CNTNAP2: variants seen among roughly 807,000 people sequenced by gnomAD.
CNTNAP2 encodes contactin-associated protein-like 2.
A neutral mutation model predicts 155.2 loss-of-function variants in CNTNAP2; 98 were observed. The observed-to-expected ratio is 0.63, with a 90% CI of 0.54 to 0.75. The LOEUF (loss-of-function observed/expected upper bound fraction) is 0.75. Among genes scored for constraint, CNTNAP2 ranks in the 30% least tolerant of loss-of-function variants. The pLI, the probability that CNTNAP2 is intolerant of heterozygous loss-of-function variation, is 0.00. For missense variants in CNTNAP2, 1,727 were observed against 1,688.1 expected, an observed-to-expected ratio of 1.02 and a Z score of -0.40; for synonymous variants, 651 against 631.2, an observed-to-expected ratio of 1.03 and a Z score of -0.47.
At chr7:147,099,163 A>G (rs766894644) in intron 4 of CNTNAP2, among the ~76,000 whole-genome samples, 31 of 152,254 alleles carry the variant, frequency 2.0e-4, no homozygotes, top group Middle Eastern at 3.4e-3. Context: ...TGGGGCACAG[A>G]GGCTGATCCT....
chr7:146,376,589 T>C (rs576992034), intron 1 of CNTNAP2, among the ~76,000 whole-genome samples: 1 of 152,224 alleles, frequency 6.6e-6, no homozygotes, highest in South Asian at 2.1e-4. Flanking sequence ...TGTATTGTTA[T>C]TGTTTTTTCC....
At chr7:147,066,781 C>T (rs1326749095) in intron 4 of CNTNAP2, among the ~76,000 whole-genome samples, 1 of 152,154 alleles carries the variant, frequency 6.6e-6, no homozygotes, top group African/African-American at 2.4e-5. Context: ...GTTAGACTGT[C>T]TTTTAGTCAG....
chr7:147,501,437 A>G (rs1413733294), intron 11 of CNTNAP2, among the ~76,000 whole-genome samples: 3 of 152,180 alleles, frequency 2.0e-5, no homozygotes, highest in Non-Finnish European at 4.4e-5. Context: ...GGAAGAAGTT[A>G]GATTTTCTCT....
chr7:148,274,683 G>A (rs1235542391), intron 21 of CNTNAP2, among the ~76,000 whole-genome samples: 1 of 152,168 alleles, frequency 6.6e-6, no homozygotes, highest in African/African-American at 2.4e-5. Flanking sequence ...GGCCTCCCCA[G>A]AAGCAGATGC....
chr7:146,246,308 A>G (rs1799653244), intron 1 of CNTNAP2, among the ~76,000 whole-genome samples: 1 of 151,174 alleles, frequency 6.6e-6, no homozygotes, highest in South Asian at 2.1e-4. Flanking sequence ...ATGTAGCTGT[A>G]ATCCAGGAAT....
At chr7:147,305,497 C>T (rs953452567) in intron 9 of CNTNAP2, among the ~76,000 whole-genome samples, 1 of 152,164 alleles carries the variant, frequency 6.6e-6, no homozygotes, top group Non-Finnish European at 1.5e-5. Flanking sequence ...CTTGCAGCAT[C>T]CCATTCAGAA....
At chr7:147,388,912 G>A (rs1395475431) in intron 9 of CNTNAP2, among the ~76,000 whole-genome samples, 1 of 152,056 alleles carries the variant, frequency 6.6e-6, no homozygotes, top group Non-Finnish European at 1.5e-5. Flanking sequence ...TTGACGTTGG[G>A]AATTTGACTC....
At chr7:147,194,793 TAA>T (rs1802750837) in intron 8 of CNTNAP2, among the ~76,000 whole-genome samples, 1 of 152,228 alleles carries the variant, frequency 6.6e-6, no homozygotes, top group Non-Finnish European at 1.5e-5. Flanking sequence ...TAAATTTGTT[TAA>T]GTTATTTGTA....
At chr7:147,963,749 C>T (rs558681218) in intron 14 of CNTNAP2, among the ~76,000 whole-genome samples, 11 of 152,196 alleles carry the variant, frequency 7.2e-5, no homozygotes, top group African/African-American at 2.2e-4. Flanking sequence ...CTGTTTCCTT[C>T]TCGAGCTATA....
intron 12 of CNTNAP2, among the ~76,000 whole-genome samples, chr7:147,601,647 ATATAT>A (rs527756756): frequency 0.055 from 3,817 of 68,984 alleles, 166 homozygotes; most frequent in East Asian, 0.19. Context: ...AAAAAAAAAT[ATATAT>A]ATATATATAT....
intron 23 of CNTNAP2, among the ~76,000 whole-genome samples, chr7:148,410,021 G>A (rs374573727): frequency 2.9e-5 from 1 of 34,288 alleles, no homozygotes; most frequent in African/African-American, 1.7e-4. Context: ...ACTGCAATCC[G>A]GCCTGGGCTA....
rs376401085 is a variant in CNTNAP2 at position 147,224,195 on chromosome 7, A to G, written c.1349-75946A>G. ...TCTAAGAAGAGTTGTTGGTTTTTCAATTTGCTCTGCTTTTTATGTGTTGTT... is the reference window on the plus strand; with the variant it reads ...TCTAAGAAGAGTTGTTGGTTTTTCAGTTTGCTCTGCTTTTTATGTGTTGTT... On this transcript the variant is annotated intron_variant, in intron 8 of 23. Transcript: ENST00000361727. 2.6e-5 allele frequency among the ~76,000 whole-genome samples: 4 copies of G among 152,174 alleles called. No individual in the cohort carries two copies. The East Asian group carries it at 5.8e-4, about 22-fold the overall frequency.
chr7:146,658,821 C>T (rs1056331917), intron 1 of CNTNAP2, among the ~76,000 whole-genome samples: 5 of 152,082 alleles, frequency 3.3e-5, no homozygotes, highest in South Asian at 2.1e-4. Flanking sequence ...GGGTACAAGT[C>T]GAGAAAACGA....
Position 146,701,473 on chromosome 7 carries a change from A to G in CNTNAP2, c.98-72798A>G, listed in dbSNP as rs188676156. On this transcript the variant is annotated intron_variant, in intron 1 of 23. Coordinates refer to ENST00000361727, the MANE Select transcript of CNTNAP2 (RefSeq NM_014141.6). The stretch of plus-strand genomic sequence containing the variant: ...CTTTAAATCATGAACAAAGCAAACT[A>G]TGATGTCTGGTTGTATTTTAAAAAT... Among the ~76,000 whole-genome samples, 263 of 152,288 alleles carry G rather than the reference A, an allele frequency of 1.7e-3. 1 individual carries two copies. The highest frequency in any genetic ancestry group is 6.0e-3 in the African/African-American group (248 of 41,572).
chr7:146,694,400 G>T (rs1301347178), intron 1 of CNTNAP2, among the ~76,000 whole-genome samples: 2 of 152,162 alleles, frequency 1.3e-5, no homozygotes, highest in Non-Finnish European at 1.5e-5. Context: ...CTTTGTCAAA[G>T]AACTATTGAT....
intron 3 of CNTNAP2, among the ~76,000 whole-genome samples, chr7:146,867,275 G>A (rs1795223228): frequency 6.6e-6 from 1 of 152,054 alleles, no homozygotes; most frequent in South Asian, 2.1e-4. Context: ...TGTGGTATTT[G>A]GTTTTCTGTT....
chr7:147,003,607 G>A (rs1040906660), intron 3 of CNTNAP2, among the ~76,000 whole-genome samples: 22 of 151,740 alleles, frequency 1.4e-4, no homozygotes, highest in East Asian at 5.8e-4. Context: ...AAATAGATAC[G>A]CATGCATATT....
At chr7:148,159,082 G>A (rs1245927241) in intron 17 of CNTNAP2, among the ~76,000 whole-genome samples, 1 of 152,058 alleles carries the variant, frequency 6.6e-6, no homozygotes, top group Non-Finnish European at 1.5e-5. Context: ...CCCATCAGAC[G>A]CTTCCCTCTC....
chr7:147,841,962 T>A (rs1213347584), intron 13 of CNTNAP2, among the ~76,000 whole-genome samples: 1 of 150,530 alleles, frequency 6.6e-6, no homozygotes, highest in Non-Finnish European at 1.5e-5. Flanking sequence ...TTTTAAATTA[T>A]AAACCAAACT....
Sources: gnomAD v4.1 joint callset for allele counts (sites outside exome capture counted in the v4.1 genomes callset) on GRCh38, gnomAD v4.1.1 for gene constraint, MANE v1.5 for transcripts, NCBI Gene and HGNC (gene_info 2026-07-23, HGNC 2026-07-21) for gene names.